RPS6KL1: variants seen among roughly 807,000 people sequenced by gnomAD.
RPS6KL1 encodes the protein ribosomal protein S6 kinase-like 1.
Under a neutral mutation model 57.0 loss-of-function variants are expected in RPS6KL1, and 41 were observed. The ratio of observed to expected loss-of-function variants is 0.72; its 90% CI spans 0.56 to 0.93. RPS6KL1 has a LOEUF of 0.93. Ranked by LOEUF, RPS6KL1 falls within the 40% of genes least tolerant of loss-of-function variation. The pLI is 0.00. For missense variants in RPS6KL1, 697 were observed against 727.7 expected, an observed-to-expected ratio of 0.96 and a Z score of 0.49; for synonymous variants, 287 against 309.7, an observed-to-expected ratio of 0.93 and a Z score of 0.77.
Position 74,906,064 on chromosome 14 carries a change from TC to T in RPS6KL1, c.*949del, listed in dbSNP as rs1884754452. The T allele has an allele frequency of 1.1e-5, 2 of 175,522 alleles. No homozygotes were observed. Among genetic ancestry groups the T allele is most frequent in the Non-Finnish European group, 2.5e-5 (2 of 80,376 alleles). 10.9% of individuals were successfully genotyped at this position (175,522 alleles called of 1,614,324 possible). ...CTGGCTAAGAGCCATGGATAGTTGT[TC>T]CATGCGTTTTGTGGTTTCTTATCCC... On this transcript the variant is annotated 3_prime_UTR_variant, in exon 12 of 12. Coordinates refer to ENST00000557413, the MANE Select transcript of RPS6KL1 (RefSeq NM_031464.5).
chr14:74,921,710 G>A (rs1264319171), intron 2 of RPS6KL1, 149 bp from the exon 3 acceptor site: 1 of 1,432,846 alleles, frequency 7.0e-7, no homozygotes, highest in Non-Finnish European at 9.1e-7. Context: ...TCTTTTCATG[G>A]ATCCAGGTCC....
rs775734816 is a variant in RPS6KL1, at chr14:74,909,176, T to A, written c.1285A>T (p.Thr429Ser). 2 of 1,613,956 alleles carry A rather than the reference T, an allele frequency of 1.2e-6. No homozygotes were observed. Among genetic ancestry groups the A allele is most frequent in the African/African-American group, 2.7e-5 (2 of 74,902 alleles). ...ACCTCTGACCACTGGCCAAAATATG[T>A]GAGCCGGATGTGACCTCCAGTGTGT... is the stretch of plus-strand genomic sequence containing the variant. ...LLDQAGHIRL[T>S]YFGQWSEVEP... The change falls in exon 9 of 12, where the codon ACA (threonine) becomes TCA (serine). Residue 429 changes from threonine to serine, a missense_variant. By Grantham distance (58) the Thr-to-Ser change is moderately conservative (BLOSUM62 1). Coordinates refer to ENST00000557413, the MANE Select transcript of RPS6KL1 (RefSeq NM_031464.5).
At chr14:74,918,202 C>CT (rs1459644510) in intron 5 of RPS6KL1, among the ~76,000 whole-genome samples, 1 of 152,074 alleles carries the variant, frequency 6.6e-6, no homozygotes, top group Non-Finnish European at 1.5e-5. Context: ...TTGCCTTGGC[C>CT]TGGTGCTTGG....
Position 74,909,582 on chromosome 14 carries a change from G to A in RPS6KL1, c.1231C>T (p.Arg411Trp), listed in dbSNP as rs201677862. The part of the protein sequence containing the change: ...EALHEQGVLC[R>W]DLHPGNLLLD... ...AGCAGGTTCCCGGGGTGGAGGTCCC[G>A]GCACAGCACCCCCTGCTCGTGCAGC... Residue 411 changes from arginine to tryptophan, a missense_variant, in exon 8 of 12, where the codon CGG becomes TGG. By Grantham distance (101) the Arg-to-Trp change is moderately radical. Coordinates refer to ENST00000557413, the MANE Select transcript of RPS6KL1 (RefSeq NM_031464.5). 5.2e-5 allele frequency: 84 copies of A among 1,611,770 alleles called. No individual in the cohort carries two copies. The highest frequency in any genetic ancestry group is 3.3e-4 in the Middle Eastern group (2 of 6,010).
At chr14:74,907,992 C>T (rs936396042) in intron 10 of RPS6KL1, among the ~76,000 whole-genome samples, 9 of 152,196 alleles carry the variant, frequency 5.9e-5, no homozygotes, top group Non-Finnish European at 1.0e-4. Flanking sequence ...CTTTGAGGAG[C>T]AGAGGGTCTG....
intron 5 of RPS6KL1, among the ~76,000 whole-genome samples, chr14:74,912,663 C>T (rs1463285838): frequency 6.6e-6 from 1 of 152,026 alleles, no homozygotes; most frequent in African/African-American, 2.4e-5. Flanking sequence ...TCCCACTCCA[C>T]TCCACCCCCT....
chr14:74,909,847 T>C lies in RPS6KL1; in HGVS notation c.966A>G (p.Pro322=). The change falls in exon 8 of 12, where the codon CCA becomes CCG. Residue 322 remains proline, a synonymous_variant. Transcript: ENST00000557413. The part of the protein sequence containing the change: ...TSGSSDLPKA[P]GGHLHLQARR... ...TAGCTTGAAGGTGCAGGTGGCCACC[T>C]GGGGCCTTTGGAAGGTCCGAGGAGC... is the stretch of plus-strand genomic sequence containing the variant. The C allele has an allele frequency of 6.2e-7, 1 of 1,612,622 alleles. No homozygotes were observed. Among genetic ancestry groups the C allele is most frequent in the Non-Finnish European group, 8.5e-7 (1 of 1,179,230 alleles).
chr14:74,907,903 G>A lies in RPS6KL1; in HGVS notation c.1444-373C>T, dbSNP rs148304230. 2.8e-3 allele frequency among the ~76,000 whole-genome samples: 421 copies of A among 152,324 alleles called. 9 individuals carry two copies. In the East Asian group the frequency reaches 0.043, roughly 16 times the overall value. ...GGCTGTTCATTTGGCAGCAGGCCATGGCATGCTACCATCGGGGCCAAGGCA... is the reference window on the plus strand; with the variant it reads ...GGCTGTTCATTTGGCAGCAGGCCATAGCATGCTACCATCGGGGCCAAGGCA... On this transcript the variant is annotated intron_variant, in intron 10 of 11. Transcript: ENST00000557413.
chr14:74,921,330 G>A lies in RPS6KL1; in HGVS notation c.212C>T (p.Ala71Val), dbSNP rs375449199. Residue 71 changes from alanine (A) to valine (V), a missense_variant, in exon 3 of 12, where the codon GCG becomes GTG. Physicochemically the swap from Ala to Val is moderately conservative, Grantham distance 64. Transcript: ENST00000557413. Reference sequence around the variant, plus strand: ...GCCATTCTGATAGTGGTTGAAGGCCGCCTCATAGTCCTCACTAACATCGCG... The same window carrying A: ...GCCATTCTGATAGTGGTTGAAGGCCACCTCATAGTCCTCACTAACATCGCG... ...LERDVSEDYEAAFNHYQNGVD... is the reference protein window; with the variant it reads ...LERDVSEDYEVAFNHYQNGVD... 4.3e-6 allele frequency: 7 copies of A among 1,611,980 alleles called. No individual in the cohort carries two copies. Among genetic ancestry groups the A allele is most frequent in the Middle Eastern group, 1.7e-4 (1 of 6,044 alleles).
At chr14:74,911,420 C>T (rs756375590) in intron 6 of RPS6KL1, 40 bp from the exon 7 acceptor site, 2 of 1,585,428 alleles carry the variant, frequency 1.3e-6, no homozygotes, top group Non-Finnish European at 1.7e-6. Context: ...GGGGACAGGC[C>T]AGAGACTGCT....
chr14:74,906,958 AAGG>A lies in RPS6KL1; in HGVS notation c.*53_*55del, dbSNP rs1054559105. 5.2e-5 allele frequency: 70 copies of A among 1,345,110 alleles called. No individual in the cohort carries two copies. The highest frequency in any genetic ancestry group is 6.8e-5 in the Non-Finnish European group (64 of 942,912). The allele number at this position is 1,345,110 out of a possible 1,614,324, so 83.3% of individuals were successfully genotyped here. A position where few individuals can be genotyped will look rare whatever the true frequency, so the allele number is the denominator to read the frequency against. On this transcript the variant is annotated 3_prime_UTR_variant, in exon 12 of 12. Transcript: ENST00000557413. ...GCCAGCCCTGGGTTGGGTGTCAGGC[AAGG>A]AGGAGAGGCGATCCAGACCAGGCCA...
Position 74,906,745 on chromosome 14 carries a change from C to T in RPS6KL1, c.*269G>A. The T allele has an allele frequency of 1.6e-6, 1 of 628,378 alleles. No homozygotes were observed. The highest frequency in any genetic ancestry group is 3.0e-6 in the Non-Finnish European group (1 of 329,052). The allele number at this position is 628,378 out of a possible 1,614,324, so 38.9% of individuals were successfully genotyped here. On this transcript the variant is annotated 3_prime_UTR_variant, in exon 12 of 12. Transcript: ENST00000557413. ...CTTTAACATGGTGAGTCCACATGCTCAACGGGTCTGTTGACTGATGGGTAG... is the reference window on the plus strand; with the variant it reads ...CTTTAACATGGTGAGTCCACATGCTTAACGGGTCTGTTGACTGATGGGTAG...
In RPS6KL1 at chr14:74,911,856, G is replaced by A. The variant is rs1886059378; in HGVS notation, c.484-15C>T. 1.3e-6 allele frequency: 2 copies of A among 1,551,906 alleles called. No homozygotes were observed. Among genetic ancestry groups the A allele is most frequent in the Admixed American group, 2.0e-5 (1 of 51,102 alleles). On this transcript the variant is annotated splice_polypyrimidine_tract_variant and intron_variant, in intron 5 of 11. Transcript: ENST00000557413. ...ACCAGCTGCACCTGCCAAAGTCCAAGAGGCACTGGTTAAGGCAGGTACTAG... is the reference window on the plus strand; with the variant it reads ...ACCAGCTGCACCTGCCAAAGTCCAAAAGGCACTGGTTAAGGCAGGTACTAG...
rs1245959444 is a variant in RPS6KL1, at chr14:74,904,946, C to T, written c.*2068G>A. Reference sequence around the variant, plus strand: ...GAGCTCTTGCAGTGAGGCCATCCCTCTGTGAAGGTCTGTCACAGGAGGGAA... The same window carrying T: ...GAGCTCTTGCAGTGAGGCCATCCCTTTGTGAAGGTCTGTCACAGGAGGGAA... On this transcript the variant is annotated 3_prime_UTR_variant, in exon 12 of 12. Transcript: ENST00000557413. 1.3e-5 allele frequency: 2 copies of T among 152,166 alleles called. No individual in the cohort carries two copies. The highest frequency in any genetic ancestry group is 2.9e-5 in the Non-Finnish European group (2 of 68,048). 9.4% of individuals were successfully genotyped at this position (152,166 alleles called of 1,614,324 possible).
chr14:74,910,171 T>A, intron 7 of RPS6KL1, 23 bp from the exon 8 acceptor site: 2 of 1,500,410 alleles, frequency 1.3e-6, no homozygotes, highest in Non-Finnish European at 1.8e-6. Context: ...GAGGGAGCGG[T>A]GAGCGTGGGG....
Position 74,909,015 on chromosome 14 carries a change from C to T in RPS6KL1, c.1361-83G>A, listed in dbSNP as rs1029183430. 6.4e-6 allele frequency: 10 copies of T among 1,572,712 alleles called. No homozygotes were observed. In the African/African-American group the frequency reaches 1.2e-4, roughly 19 times the overall value. ...CCTCAGCCTACCCAGACACCACCCA[C>T]CCGCTCTGTCATTCTCAGACTCTGG... is the stretch of plus-strand genomic sequence containing the variant. On this transcript the variant is annotated intron_variant, in intron 9 of 11. Coordinates refer to ENST00000557413, the MANE Select transcript of RPS6KL1 (RefSeq NM_031464.5).
chr14:74,909,719 T>TGATCCATGCCTCG lies in RPS6KL1; in HGVS notation c.1081_1093dup (p.Gln365ProfsTer106), dbSNP rs781167007. 6.2e-7 allele frequency: 1 copy of TGATCCATGCCTCG among 1,608,550 alleles called. No homozygotes were observed. Among genetic ancestry groups the TGATCCATGCCTCG allele is most frequent in the South Asian group, 1.1e-5 (1 of 91,074 alleles). On this transcript the variant is annotated frameshift_variant, in exon 8 of 12. Coordinates refer to ENST00000557413, the MANE Select transcript of RPS6KL1 (RefSeq NM_031464.5). LOFTEE classifies it high-confidence loss of function. ...GGCCCCATCTGCTGACAGGCAGCTCTGATCCATGCCTCGGCCACAGCCCCC... is the reference window on the plus strand; with the variant it reads ...GGCCCCATCTGCTGACAGGCAGCTCTGATCCATGCCTCGGATCCATGCCTCGGCCACAGCCCCC...
intron 5 of RPS6KL1, among the ~76,000 whole-genome samples, chr14:74,917,508 C>A (rs564298315): frequency 2.4e-4 from 37 of 152,304 alleles, no homozygotes; most frequent in Admixed American, 7.8e-4. Context: ...TTAGGAAGCT[C>A]TCCATTTAGC....
chr14:74,922,112 T>C lies in RPS6KL1; in HGVS notation c.-155A>G, dbSNP rs925830894. 4.6e-6 allele frequency: 4 copies of C among 877,542 alleles called. No individual in the cohort carries two copies. In the African/African-American group the frequency reaches 7.3e-5, roughly 16 times the overall value. 54.4% of individuals were successfully genotyped at this position (877,542 alleles called of 1,614,324 possible). On this transcript the variant is annotated 5_prime_UTR_variant, in exon 2 of 12. Transcript: ENST00000557413. The stretch of plus-strand genomic sequence containing the variant: ...GTTTTCCTTTCCAGTCAAATTCAGT[T>C]CAGCAAACATTTCTGGAGCATCTGG...
Sources: gnomAD v4.1 joint callset for allele counts (sites outside exome capture counted in the v4.1 genomes callset) on GRCh38, gnomAD v4.1.1 for gene constraint, MANE v1.5 for transcripts, NCBI Gene and HGNC (gene_info 2026-07-23, HGNC 2026-07-21) for gene names.